ADARB1: variants seen among roughly 807,000 people sequenced by gnomAD.
The protein encoded by ADARB1 is double-stranded RNA-specific editase 1.
In ADARB1, 10 loss-of-function variants were observed where a neutral mutation model predicts 52.4. The ratio of observed to expected loss-of-function variants is 0.19; its 90% CI spans 0.12 to 0.32. The LOEUF is 0.32. ADARB1 is among the 10% of genes least tolerant of loss of function. The pLI is 1.00. For synonymous variants in ADARB1, 349 were observed against 371.1 expected (o/e 0.94, Z 0.68); for missense variants, 643 against 922.3 (o/e 0.70, Z 3.92).
chr21:45,178,409 T>C (rs955688345), intron 4 of ADARB1, among the ~76,000 whole-genome samples: 1 of 152,226 alleles, frequency 6.6e-6, no homozygotes, highest in Non-Finnish European at 1.5e-5. Context: ...CTAGGCCTCA[T>C]GTCCAGAACC....
chr21:45,106,854 G>A (rs957989351), intron 1 of ADARB1, among the ~76,000 whole-genome samples: 1 of 152,138 alleles, frequency 6.6e-6, no homozygotes, highest in Non-Finnish European at 1.5e-5. Flanking sequence ...CTTGTGGCAA[G>A]GCAGGAAGAG....
rs972709205 is a variant in ADARB1 at position 45,226,471 on chromosome 21, G to T, written c.*4274G>T. On this transcript the variant is annotated 3_prime_UTR_variant, in exon 11 of 11. Transcript: ENST00000348831. ...GTTACAACTGCATGAGCTTCCTCTC[G>T]CACAAGACCAGCTGGAACTGAGCAT... 1.3e-5 allele frequency: 2 copies of T among 152,590 alleles called. No homozygotes were observed. Among genetic ancestry groups the T allele is most frequent in the South Asian group, 4.1e-4 (2 of 4,824 alleles). 9.5% of individuals were successfully genotyped at this position (152,590 alleles called of 1,614,324 possible). A position where few individuals can be genotyped will look rare whatever the true frequency, so the allele number is the denominator to read the frequency against.
chr21:45,140,513 C>T (rs1237834940), intron 2 of ADARB1, among the ~76,000 whole-genome samples: 1 of 152,130 alleles, frequency 6.6e-6, no homozygotes, highest in Admixed American at 6.5e-5. Context: ...GTGACCTCTG[C>T]AGAACAGCAG....
chr21:45,159,509 T>G, intron 2 of ADARB1, among the ~76,000 whole-genome samples: 1 of 152,230 alleles, frequency 6.6e-6, no homozygotes, highest in South Asian at 2.1e-4. Flanking sequence ...CAATTCGTAG[T>G]ACTAGAATTA....
rs371876785 is a variant in ADARB1 at position 45,129,248 on chromosome 21, T to C, written c.-48+675T>C. On this transcript the variant is annotated intron_variant, in intron 2 of 10. Coordinates refer to ENST00000348831, the MANE Select transcript of ADARB1 (RefSeq NM_001112.4). The stretch of plus-strand genomic sequence containing the variant: ...TTTCTCAAAAAAAAAAAGAAGAACA[T>C]TTCTTTAGTACTTATTTTTGGCGAC... Among the ~76,000 whole-genome samples, 8 of 152,046 alleles carry C rather than the reference T, an allele frequency of 5.3e-5. No individual in the cohort carries two copies. In the East Asian group the frequency reaches 1.5e-3, roughly 29 times the overall value.
intron 8 of ADARB1, among the ~76,000 whole-genome samples, chr21:45,187,943 AGCTTTTTTTACCCT>A (rs1306735110): frequency 1.1e-4 from 17 of 152,144 alleles, no homozygotes; most frequent in African/African-American, 4.1e-4. Flanking sequence ...ACTGGTTTGT[AGCTTTTTTTACCCT>A]TCTTCATGTC....
At chr21:45,079,302 G>A (rs570511422) in intron 1 of ADARB1, among the ~76,000 whole-genome samples, 1 of 152,282 alleles carries the variant, frequency 6.6e-6, no homozygotes, top group Admixed American at 6.5e-5. Context: ...AAAGAGCTTA[G>A]ACTAAGCATT....
intron 2 of ADARB1, among the ~76,000 whole-genome samples, chr21:45,169,838 C>T (rs73384777): frequency 0.01 from 1,533 of 152,306 alleles, 30 homozygotes; most frequent in African/African-American, 0.035. Context: ...TTCCCGTCTT[C>T]GTGATATGCT....
At position 45,153,451 on chromosome 21, in the gene ADARB1, C is replaced by T. The variant is rs147329952; in HGVS notation, c.-47-18159C>T. Reference sequence around the variant, plus strand: ...ACACAGGCGTGATCAGTGCCTCTGCCTCTGTGTCTTCTGGGCGCCCCCTTA... The same window carrying T: ...ACACAGGCGTGATCAGTGCCTCTGCTTCTGTGTCTTCTGGGCGCCCCCTTA... On this transcript the variant is annotated intron_variant, in intron 2 of 10. Coordinates refer to ENST00000348831, the MANE Select transcript of ADARB1 (RefSeq NM_001112.4). Among the ~76,000 whole-genome samples, 148 of 152,134 alleles carry T rather than the reference C, an allele frequency of 9.7e-4. 1 individual carries two copies. In the East Asian group the frequency reaches 0.028, roughly 28 times the overall value.
chr21:45,196,296 G>GAA (rs1187460241), intron 8 of ADARB1, among the ~76,000 whole-genome samples: 1 of 140,306 alleles, frequency 7.1e-6, no homozygotes. Context: ...TCCCTGTGCA[G>GAA]AAAAAAAAAA....
intron 8 of ADARB1, among the ~76,000 whole-genome samples, chr21:45,202,585 G>A (rs574205052): frequency 2.6e-5 from 4 of 152,156 alleles, no homozygotes; most frequent in Non-Finnish European, 4.4e-5. Flanking sequence ...CAGTCTGGGC[G>A]TCAGCCTCCT....
chr21:45,223,422 G>A lies in ADARB1; in HGVS notation c.*1225G>A. 1 of 985,858 alleles carries A rather than the reference G, an allele frequency of 1.0e-6. No homozygotes were observed. The highest frequency in any genetic ancestry group is 1.1e-4 in the East Asian group (1 of 8,842). The allele number at this position is 985,858 out of a possible 1,614,324, so 61.1% of individuals were successfully genotyped here. A position where few individuals can be genotyped will look rare whatever the true frequency, so the allele number is the denominator to read the frequency against. On this transcript the variant is annotated 3_prime_UTR_variant, in exon 11 of 11. Coordinates refer to ENST00000348831, the MANE Select transcript of ADARB1 (RefSeq NM_001112.4). ...AGGGAGTCAGCCCGGGAGGTCAGGA[G>A]CGCGGCGGGCGAGGGCCCTGTGTGG...
At chr21:45,077,614 CT>C (rs979734108) in intron 1 of ADARB1, among the ~76,000 whole-genome samples, 9 of 151,728 alleles carry the variant, frequency 5.9e-5, no homozygotes, top group African/African-American at 2.2e-4. Context: ...TTGCAATGAG[CT>C]GAGACCGTGC....
chr21:45,182,572 T>C lies in ADARB1; in HGVS notation c.1079-13T>C. 6.3e-7 allele frequency: 1 copy of C among 1,575,746 alleles called. No homozygotes were observed. The highest frequency in any genetic ancestry group is 1.2e-5 in the South Asian group (1 of 83,550). Reference sequence around the variant, plus strand: ...GAATTACAGAAAATAGTGTCTCTTTTTTTTTTTTTCAGGCACAGATGTTAA... The same window carrying C: ...GAATTACAGAAAATAGTGTCTCTTTCTTTTTTTTTCAGGCACAGATGTTAA... On this transcript the variant is annotated splice_polypyrimidine_tract_variant and intron_variant, in intron 5 of 10. Coordinates refer to ENST00000348831, the MANE Select transcript of ADARB1 (RefSeq NM_001112.4).
rs1429467094 is a variant in ADARB1 at position 45,220,843 on chromosome 21, C to T, written c.1755C>T (p.Ser585=). Residue 585 remains serine, a synonymous_variant, in exon 10 of 11, where the codon AGC becomes AGT. Transcript: ENST00000348831. The surrounding 1 kb of genome is among the most constrained non-coding windows in gnomAD (Gnocchi z 6.3). ...TLNKPLLSGI[S]NAEARQPGKA... ...CTGTGTCTTCCGTTTCAGGCATCAG[C>T]AATGCAGAAGCACGGCAGCCAGGGA... 1 of 1,612,886 alleles carries T rather than the reference C, an allele frequency of 6.2e-7. No individual in the cohort carries two copies. The highest frequency in any genetic ancestry group is 8.5e-7 in the Non-Finnish European group (1 of 1,179,688).
intron 3 of ADARB1, among the ~76,000 whole-genome samples, chr21:45,174,970 A>G (rs1205730336): frequency 6.6e-6 from 1 of 152,158 alleles, no homozygotes; most frequent in African/African-American, 2.4e-5. Context: ...TTGTTCTTAC[A>G]CACTTTTCCT....
chr21:45,075,217 C>T lies in ADARB1; in HGVS notation c.-220+424C>T, dbSNP rs544800250. Among the ~76,000 whole-genome samples, 48 of 149,354 alleles carry T rather than the reference C, an allele frequency of 3.2e-4. 1 individual carries two copies. In the East Asian group the frequency reaches 6.4e-3, roughly 20 times the overall value. On this transcript the variant is annotated intron_variant, in intron 1 of 10. Transcript: ENST00000348831. ...GGCTGCGCCCGGGGACCAGAGGCTG[C>T]CCCGGGTACAAGGTTGCGCCGGGGA...
chr21:45,148,747 C>T (rs986275731), intron 2 of ADARB1, among the ~76,000 whole-genome samples: 2 of 152,178 alleles, frequency 1.3e-5, no homozygotes, highest in Non-Finnish European at 2.9e-5. Context: ...CTCTAACATC[C>T]GCCCCTCCTC....
At chr21:45,213,033 C>T (rs1250755111) in intron 9 of ADARB1, among the ~76,000 whole-genome samples, 1 of 152,138 alleles carries the variant, frequency 6.6e-6, no homozygotes, top group East Asian at 1.9e-4. Context: ...AAACCTCTTC[C>T]TCATGGAGCT....
Sources: allele counts gnomAD v4.1 joint callset (sites outside exome capture counted in the v4.1 genomes callset), GRCh38; gene constraint gnomAD v4.1.1; non-coding constraint Gnocchi (gnomAD v3.1); transcripts MANE v1.5; gene names NCBI Gene and HGNC (gene_info 2026-07-23, HGNC 2026-07-21).